EPHA6: variants seen among roughly 807,000 people sequenced by gnomAD.
The protein encoded by EPHA6 is ephrin type-A receptor 6.
EPHA6 carries 50 observed loss-of-function variants against 112.0 expected under a neutral mutation model. That is an observed-to-expected ratio of 0.45 (90% confidence interval 0.36 to 0.56). The LOEUF is 0.56. Ranked by LOEUF, EPHA6 falls within the 20% of genes least tolerant of loss-of-function variation. The pLI, the probability that EPHA6 is intolerant of heterozygous loss-of-function variation, is 0.00. For synonymous variants in EPHA6, 529 were observed against 490.7 expected, an observed-to-expected ratio of 1.08 and a Z score of -1.03; for missense variants, 1,280 against 1,417.4, an observed-to-expected ratio of 0.90 and a Z score of 1.56.
intron 5 of EPHA6, among the ~76,000 whole-genome samples, chr3:97,394,472 A>G (rs1011733120): frequency 4.0e-5 from 6 of 151,880 alleles, no homozygotes; most frequent in African/African-American, 1.4e-4. Context: ...TAATCAACAG[A>G]ATGTAGAAAA....
intron 5 of EPHA6, among the ~76,000 whole-genome samples, chr3:97,301,173 A>C (rs1203522353): frequency 6.6e-6 from 1 of 152,152 alleles, no homozygotes; most frequent in Non-Finnish European, 1.5e-5. Flanking sequence ...AGGGTATTTA[A>C]AAAAGAGAGA....
intron 5 of EPHA6, among the ~76,000 whole-genome samples, chr3:97,378,183 T>C (rs1307606142): frequency 6.6e-6 from 1 of 152,106 alleles, no homozygotes; most frequent in Non-Finnish European, 1.5e-5. Flanking sequence ...CCTTCAGCCA[T>C]GGCTGAAAAG....
At chr3:97,046,375 C>T (rs1230957926) in intron 3 of EPHA6, among the ~76,000 whole-genome samples, 2 of 152,156 alleles carry the variant, frequency 1.3e-5, no homozygotes, top group East Asian at 3.9e-4. Flanking sequence ...AACACCTACC[C>T]ATGGTAAAAA....
intron 6 of EPHA6, 137 bp from the exon 7 acceptor site, chr3:97,448,431 A>T: frequency 1.1e-6 from 1 of 887,962 alleles, no homozygotes. Flanking sequence ...AAATTATGGA[A>T]AACCATGCTA....
At chr3:97,109,022 A>G (rs1466408261) in intron 3 of EPHA6, among the ~76,000 whole-genome samples, 1 of 152,146 alleles carries the variant, frequency 6.6e-6, no homozygotes, top group Non-Finnish European at 1.5e-5. Flanking sequence ...CTACACTCAT[A>G]ACCACCTCTG....
chr3:96,855,077 G>A (rs1050425631), intron 1 of EPHA6, among the ~76,000 whole-genome samples: 3 of 151,938 alleles, frequency 2.0e-5, no homozygotes, highest in South Asian at 2.1e-4. Flanking sequence ...CATGTTCCTC[G>A]GCTGCCTTCC....
At chr3:96,874,628 C>G (rs761814980) in intron 2 of EPHA6, among the ~76,000 whole-genome samples, 1 of 152,078 alleles carries the variant, frequency 6.6e-6, no homozygotes, top group Non-Finnish European at 1.5e-5. Context: ...ACACGGTGCC[C>G]TACTCCCTTG....
In EPHA6 at chr3:97,037,147, C is replaced by T. The variant is rs1216335100; in HGVS notation, c.1114+49154C>T. On this transcript the variant is annotated intron_variant, in intron 3 of 17. Coordinates refer to ENST00000389672, the MANE Select transcript of EPHA6 (RefSeq NM_001080448.3). ...ATTTATTAAAGCACTTACTATGATT[C>T]ATATCTATGCTATTTGCTAAGAAGA... Among the ~76,000 whole-genome samples, 4 of 152,052 alleles carry T rather than the reference C, an allele frequency of 2.6e-5. No homozygotes were observed. The East Asian group carries it at 7.7e-4, about 29-fold the overall frequency.
At chr3:97,563,255 C>T (rs1308130373) in intron 11 of EPHA6, among the ~76,000 whole-genome samples, 1 of 152,056 alleles carries the variant, frequency 6.6e-6, no homozygotes, top group Admixed American at 6.6e-5. Context: ...TGAGGAAAGG[C>T]TTATTGGAGA....
intron 11 of EPHA6, among the ~76,000 whole-genome samples, chr3:97,534,066 C>T (rs948657446): frequency 6.6e-6 from 1 of 152,054 alleles, no homozygotes; most frequent in South Asian, 2.1e-4. Flanking sequence ...CAGATGGACC[C>T]CAGTTAGAAT....
At position 97,753,423 on chromosome 3, in the gene EPHA6, T is replaced by C; in HGVS notation, c.*4722T>C. Among the ~76,000 whole-genome samples, 1 of 152,154 alleles carries C rather than the reference T, an allele frequency of 6.6e-6. No individual in the cohort carries two copies. Among genetic ancestry groups the C allele is most frequent in the East Asian group, 1.9e-4 (1 of 5,204 alleles). On this transcript the variant is annotated 3_prime_UTR_variant, in exon 18 of 18. Coordinates refer to ENST00000389672, the MANE Select transcript of EPHA6 (RefSeq NM_001080448.3). The stretch of plus-strand genomic sequence containing the variant: ...GGAAAGAAATATTTTGGACCTCAAA[T>C]TCTCATAGTATTCTTCCGAAACACT...
intron 11 of EPHA6, among the ~76,000 whole-genome samples, chr3:97,577,580 C>T (rs889044880): frequency 6.6e-6 from 1 of 152,036 alleles, no homozygotes; most frequent in African/African-American, 2.4e-5. Context: ...AGTGTTATCT[C>T]CAGGGAGTTA....
At chr3:97,327,101 G>T (rs959180692) in intron 5 of EPHA6, among the ~76,000 whole-genome samples, 2 of 151,950 alleles carry the variant, frequency 1.3e-5, no homozygotes, top group African/African-American at 4.8e-5. Context: ...TTTAAACCTT[G>T]TCATGTTTAA....
At position 97,523,686 on chromosome 3, in the gene EPHA6, A is replaced by G. The variant is rs1444566375; in HGVS notation, c.2201-8672A>G. ...ATAGTCTATTACTGTATTATAGTCT[A>G]TCTCTTCAGATTTATTAATGTTTGC... On this transcript the variant is annotated intron_variant, in intron 10 of 17. Coordinates refer to ENST00000389672, the MANE Select transcript of EPHA6 (RefSeq NM_001080448.3). Among the ~76,000 whole-genome samples, 6 of 152,104 alleles carry G rather than the reference A, an allele frequency of 3.9e-5. 1 individual carries two copies. The East Asian group carries it at 9.6e-4, about 24-fold the overall frequency.
At chr3:97,096,462 G>A (rs1331400935) in intron 3 of EPHA6, among the ~76,000 whole-genome samples, 1 of 151,844 alleles carries the variant, frequency 6.6e-6, no homozygotes, top group Non-Finnish European at 1.5e-5. Context: ...CAAGGGTAAT[G>A]ATTAATAATG....
chr3:97,152,222 G>A (rs2076186352), intron 3 of EPHA6, among the ~76,000 whole-genome samples: 1 of 151,860 alleles, frequency 6.6e-6, no homozygotes, highest in Non-Finnish European at 1.5e-5. Context: ...GCAGAGGAAA[G>A]TTATACTAAT....
At chr3:97,411,589 A>G (rs2087720066) in intron 6 of EPHA6, among the ~76,000 whole-genome samples, 1 of 152,104 alleles carries the variant, frequency 6.6e-6, no homozygotes, top group Non-Finnish European at 1.5e-5. Context: ...TGGTAAAACT[A>G]AGGACCCTGA....
At chr3:97,646,797 T>C (rs909221415) in intron 14 of EPHA6, among the ~76,000 whole-genome samples, 1 of 152,178 alleles carries the variant, frequency 6.6e-6, no homozygotes, top group African/African-American at 2.4e-5. Flanking sequence ...GTTTACTTCT[T>C]ATAGATAATT....
intron 2 of EPHA6, among the ~76,000 whole-genome samples, chr3:96,940,772 G>T (rs919409269): frequency 1.3e-4 from 20 of 152,076 alleles, no homozygotes; most frequent in African/African-American, 4.8e-4. Flanking sequence ...CTTCCTTCAG[G>T]AGCTCTTTTA....
Sources: gnomAD v4.1 joint callset for allele counts (sites outside exome capture counted in the v4.1 genomes callset) on GRCh38, gnomAD v4.1.1 for gene constraint, MANE v1.5 for transcripts, NCBI Gene and HGNC (gene_info 2026-07-23, HGNC 2026-07-21) for gene names.